LMBR1: variants seen among roughly 807,000 people sequenced by gnomAD.
LMBR1 encodes the protein limb region 1 protein homolog.
A neutral mutation model predicts 73.9 loss-of-function variants in LMBR1; 52 were observed. The ratio of observed to expected loss-of-function variants is 0.70; its 90% CI spans 0.56 to 0.89. The LOEUF (loss-of-function observed/expected upper bound fraction) is 0.89, where lower values mean the gene tolerates loss of function less well. Ranked by LOEUF, LMBR1 falls within the 40% of genes least tolerant of loss-of-function variation. LMBR1 has a pLI of 0.00. For missense variants in LMBR1, 539 were observed against 579.8 expected, an observed-to-expected ratio of 0.93 and a Z score of 0.72; for synonymous variants, 215 against 209.4, an observed-to-expected ratio of 1.03 and a Z score of -0.23.
intron 1 of LMBR1, among the ~76,000 whole-genome samples, chr7:156,880,245 G>A (rs1207557666): frequency 6.6e-6 from 1 of 152,178 alleles, no homozygotes; most frequent in Admixed American, 6.5e-5. Flanking sequence ...ATTAACCTAG[G>A]AATGGAAAAC....
intron 1 of LMBR1, among the ~76,000 whole-genome samples, chr7:156,870,251 C>G (rs1799072888): frequency 6.6e-6 from 1 of 152,156 alleles, no homozygotes; most frequent in Non-Finnish European, 1.5e-5. Flanking sequence ...TCAATGGCAG[C>G]AAACTACACA....
intron 15 of LMBR1, among the ~76,000 whole-genome samples, chr7:156,706,895 A>C (rs1432907867): frequency 6.6e-6 from 1 of 151,852 alleles, no homozygotes; most frequent in Non-Finnish European, 1.5e-5. Context: ...AACCAAAAAA[A>C]AAACAATAAA....
At chr7:156,832,978 T>G (rs1451929867) in intron 3 of LMBR1, among the ~76,000 whole-genome samples, 14 of 152,048 alleles carry the variant, frequency 9.2e-5, no homozygotes, top group Non-Finnish European at 1.5e-5. Flanking sequence ...TTGAATGGAG[T>G]GTGAGTGGTA....
At chr7:156,710,400 T>C (rs541657936) in intron 15 of LMBR1, among the ~76,000 whole-genome samples, 9 of 152,294 alleles carry the variant, frequency 5.9e-5, no homozygotes, top group Admixed American at 3.9e-4. Flanking sequence ...GTTTCAACGA[T>C]AGACTGGACA....
intron 5 of LMBR1, 110 bp downstream of exon 5, chr7:156,796,279 G>A (rs190964504): frequency 6.0e-5 from 40 of 666,682 alleles, no homozygotes; most frequent in Middle Eastern, 3.6e-4. Context: ...TATTTACTAC[G>A]CATTTTTTAT....
At chr7:156,892,316 G>T (rs1252894941) in intron 1 of LMBR1, among the ~76,000 whole-genome samples, 2 of 152,226 alleles carry the variant, frequency 1.3e-5, no homozygotes, top group South Asian at 2.1e-4. Context: ...GGATGGAAAC[G>T]TGAGGCGCCA....
At chr7:156,726,474 CAAAA>C (rs1046900275) in intron 12 of LMBR1, among the ~76,000 whole-genome samples, 1 of 150,852 alleles carries the variant, frequency 6.6e-6, no homozygotes. Context: ...AAAAAAAACA[CAAAA>C]AAGTTACTAT....
chr7:156,832,434 A>G (rs1262205826), intron 3 of LMBR1, among the ~76,000 whole-genome samples: 1 of 152,196 alleles, frequency 6.6e-6, no homozygotes, highest in Non-Finnish European at 1.5e-5. Context: ...CCCAAAATAA[A>G]ATGCCAAACC....
rs1235763913 is a variant in LMBR1 at position 156,682,469 on chromosome 7, C to T, written c.*1609G>A. 6.6e-6 allele frequency: 1 copy of T among 152,102 alleles called. No individual in the cohort carries two copies. The highest frequency in any genetic ancestry group is 1.5e-5 in the Non-Finnish European group (1 of 68,022). The allele number at this position is 152,102 out of a possible 1,614,324, so 9.4% of individuals were successfully genotyped here. ...AATTTTATTAACTTTTTAGGTATGT[C>T]GATTTTATGCTGAGAAATTCACCAG... is the stretch of plus-strand genomic sequence containing the variant. On this transcript the variant is annotated 3_prime_UTR_variant, in exon 17 of 17. Transcript: ENST00000353442.
chr7:156,836,506 G>A (rs1837665713), intron 2 of LMBR1, among the ~76,000 whole-genome samples: 1 of 152,186 alleles, frequency 6.6e-6, no homozygotes, highest in African/African-American at 2.4e-5. Flanking sequence ...CAAAGTCAGA[G>A]CCGCTCACAA....
intron 15 of LMBR1, among the ~76,000 whole-genome samples, chr7:156,697,339 A>G (rs1396499489): frequency 6.6e-6 from 1 of 152,242 alleles, no homozygotes; most frequent in Non-Finnish European, 1.5e-5. Flanking sequence ...AGCGGTGCAC[A>G]TATTGTCTTG....
At chr7:156,791,236 C>T (rs943180954) in intron 5 of LMBR1, among the ~76,000 whole-genome samples, 1 of 152,180 alleles carries the variant, frequency 6.6e-6, no homozygotes, top group Non-Finnish European at 1.5e-5. Flanking sequence ...CTCTCACCCA[C>T]CAGAACCAGG....
chr7:156,796,295 A>G, intron 5 of LMBR1, 94 bp downstream of exon 5: 2 of 755,964 alleles, frequency 2.6e-6, no homozygotes, highest in Non-Finnish European at 4.3e-6. Context: ...TTTATATTCC[A>G]TTTAAATAAT....
At chr7:156,845,344 T>C (rs186849587) in intron 1 of LMBR1, among the ~76,000 whole-genome samples, 12 of 152,132 alleles carry the variant, frequency 7.9e-5, no homozygotes, top group Non-Finnish European at 1.5e-4. Context: ...AAATAAATAA[T>C]AAGCTACCCA....
intron 1 of LMBR1, among the ~76,000 whole-genome samples, chr7:156,889,361 T>C (rs1305073983): frequency 4.2e-5 from 5 of 118,334 alleles, no homozygotes; most frequent in African/African-American, 6.4e-5. Context: ...GTAAATTGCA[T>C]GTTATATATA....
intron 3 of LMBR1, among the ~76,000 whole-genome samples, chr7:156,828,295 A>G (rs1006812581): frequency 1.7e-4 from 26 of 152,264 alleles, no homozygotes; most frequent in African/African-American, 6.0e-4. Flanking sequence ...CTCACTCCCT[A>G]GAATACCCTC....
intron 1 of LMBR1, among the ~76,000 whole-genome samples, chr7:156,884,685 C>A (rs1441231650): frequency 6.6e-6 from 1 of 152,136 alleles, no homozygotes; most frequent in Non-Finnish European, 1.5e-5. Flanking sequence ...ATGGAACTCA[C>A]TGAAATATGC....
In LMBR1 at chr7:156,788,411, T is replaced by G. The variant is rs571149317; in HGVS notation, c.423+7978A>C. On this transcript the variant is annotated intron_variant, in intron 5 of 16. Coordinates refer to ENST00000353442, the MANE Select transcript of LMBR1 (RefSeq NM_022458.4). ...TAAACATCAGTGTACCTTTTATTTA[T>G]GATACTTAACCAACTATCCATTATA... Among the ~76,000 whole-genome samples, 17 of 152,322 alleles carry G rather than the reference T, an allele frequency of 1.1e-4. No homozygotes were observed. In the East Asian group the frequency reaches 3.3e-3, roughly 29 times the overall value.
intron 1 of LMBR1, among the ~76,000 whole-genome samples, chr7:156,880,810 G>A (rs1011940354): frequency 3.9e-4 from 59 of 152,104 alleles, no homozygotes; most frequent in African/African-American, 1.2e-3. Context: ...GCGCCACCAC[G>A]CCCGGCTAAT....
Sources: allele counts gnomAD v4.1 joint callset (sites outside exome capture counted in the v4.1 genomes callset), GRCh38; gene constraint gnomAD v4.1.1; transcripts MANE v1.5; gene names NCBI Gene and HGNC (gene_info 2026-07-23, HGNC 2026-07-21).